PIK3C3: variants seen among roughly 807,000 people sequenced by gnomAD.
PIK3C3 encodes phosphatidylinositol 3-kinase catalytic subunit type 3, also known as PI3-kinase type 3.
PIK3C3 carries 95 observed loss-of-function variants against 126.1 expected under a neutral mutation model. The observed-to-expected ratio is 0.75, with a 90% CI of 0.64 to 0.89. PIK3C3 has a LOEUF of 0.89. PIK3C3 is among the 40% of genes least tolerant of loss of function. The probability of loss-of-function intolerance (pLI) is 0.00; values close to 1 mark genes in which losing one functional copy is unlikely to be tolerated. For missense variants in PIK3C3, 829 were observed against 1,063.2 expected, an observed-to-expected ratio of 0.78 and a Z score of 3.06; for synonymous variants, 374 against 360.0, an observed-to-expected ratio of 1.04 and a Z score of -0.44.
intron 13 of PIK3C3, among the ~76,000 whole-genome samples, chr18:42,021,332 T>C (rs1216612902): frequency 3.3e-5 from 5 of 152,184 alleles, no homozygotes; most frequent in Non-Finnish European, 7.3e-5. Context: ...ACGGAGTGGC[T>C]GACTTCTTGA....
At chr18:42,016,177 T>A (rs1983066219) in intron 12 of PIK3C3, among the ~76,000 whole-genome samples, 1 of 152,152 alleles carries the variant, frequency 6.6e-6, no homozygotes, top group African/African-American at 2.4e-5. Context: ...GATTTTTCAG[T>A]GTGTGTATAT....
chr18:42,000,050 G>T (rs1982210771), intron 9 of PIK3C3, among the ~76,000 whole-genome samples: 1 of 152,046 alleles, frequency 6.6e-6, no homozygotes, highest in Non-Finnish European at 1.5e-5. Context: ...AAGTGATATT[G>T]TACTTCTCTT....
rs1342849714 is a variant in PIK3C3, at chr18:41,960,496, G to A, written c.258-1993G>A. ...TAGCACAATGGTATGCGGTGATGGC[G>A]GTACCTGGTGGGGATTGGAGCATCC... On this transcript the variant is annotated intron_variant, in intron 2 of 24. Transcript: ENST00000262039. 2.0e-5 allele frequency among the ~76,000 whole-genome samples: 3 copies of A among 152,118 alleles called. No individual in the cohort carries two copies. In the South Asian group the frequency reaches 6.2e-4, roughly 31 times the overall value.
chr18:42,007,825 A>G (rs918254798), intron 10 of PIK3C3, among the ~76,000 whole-genome samples: 2 of 152,222 alleles, frequency 1.3e-5, no homozygotes, highest in Admixed American at 1.3e-4. Flanking sequence ...TGCAAGTAAT[A>G]ATGGTGAATA....
chr18:41,957,606 T>C lies in PIK3C3; in HGVS notation c.105T>C (p.Tyr35=). The C allele has an allele frequency of 6.2e-7, 1 of 1,612,188 alleles. No individual in the cohort carries two copies. The highest frequency in any genetic ancestry group is 8.5e-7 in the Non-Finnish European group (1 of 1,179,512). The change falls in exon 2 of 25, where the codon TAT becomes TAC. Residue 35 remains tyrosine (Y), a synonymous_variant. Coordinates refer to ENST00000262039, the MANE Select transcript of PIK3C3 (RefSeq NM_002647.4). ...SLEGKREQKS[Y]KAVLEDPMLK... Reference sequence around the variant, plus strand: ...AAGGGAAGAGAGAACAAAAGAGTTATAAAGCTGTCCTGGAAGACCCAATGT... The same window carrying C: ...AAGGGAAGAGAGAACAAAAGAGTTACAAAGCTGTCCTGGAAGACCCAATGT...
chr18:42,023,759 G>A (rs1297704027), intron 13 of PIK3C3, among the ~76,000 whole-genome samples: 1 of 152,166 alleles, frequency 6.6e-6, no homozygotes, highest in East Asian at 1.9e-4. Flanking sequence ...ATAATAAAAT[G>A]TGAGAATTTA....
At chr18:41,988,195 A>G (rs1981593413) in intron 5 of PIK3C3, among the ~76,000 whole-genome samples, 1 of 152,158 alleles carries the variant, frequency 6.6e-6, no homozygotes, top group Non-Finnish European at 1.5e-5. Flanking sequence ...ATATCAGCTC[A>G]TGTTCAAGTC....
intron 13 of PIK3C3, among the ~76,000 whole-genome samples, chr18:42,023,721 A>G (rs1983430304): frequency 6.6e-6 from 1 of 152,236 alleles, no homozygotes; most frequent in Non-Finnish European, 1.5e-5. Flanking sequence ...TAAAATGATC[A>G]TTCTTCTCTT....
intron 6 of PIK3C3, among the ~76,000 whole-genome samples, chr18:41,990,889 A>C (rs1785363639): frequency 6.6e-6 from 1 of 152,162 alleles, no homozygotes; most frequent in South Asian, 2.1e-4. Context: ...GAAAGGGGGA[A>C]ATTATATTTC....
intron 2 of PIK3C3, among the ~76,000 whole-genome samples, chr18:41,961,215 T>A (rs761407572): frequency 6.6e-6 from 1 of 152,144 alleles, no homozygotes; most frequent in African/African-American, 2.4e-5. Flanking sequence ...AAAAAGAAAT[T>A]TGGATAATAT....
chr18:42,037,566 C>T, intron 16 of PIK3C3, 126 bp from the exon 17 acceptor site: 1 of 761,596 alleles, frequency 1.3e-6, no homozygotes, highest in South Asian at 2.2e-5. Flanking sequence ...ATTGAAAACC[C>T]AACTTGTTTT....
At chr18:42,037,858 C>T (rs199585365) in intron 17 of PIK3C3, 38 bp downstream of exon 17, 7 of 1,570,956 alleles carry the variant, frequency 4.5e-6, no homozygotes, top group Admixed American at 1.7e-5. Flanking sequence ...ACATTTTTTT[C>T]GTTTTGGAAT....
At chr18:42,027,374 A>T (rs949802006) in intron 13 of PIK3C3, 69 bp from the exon 14 acceptor site, 66 of 779,594 alleles carry the variant, frequency 8.5e-5, no homozygotes, top group Non-Finnish European at 1.3e-4. Context: ...TAGTGAAATG[A>T]TATGAGTATT....
At chr18:42,032,602 T>C (rs543443141) in intron 15 of PIK3C3, among the ~76,000 whole-genome samples, 3 of 151,570 alleles carry the variant, frequency 2.0e-5, no homozygotes, top group South Asian at 4.2e-4. Flanking sequence ...TCTCTCCCCA[T>C]TCTTATTTTA....
Position 42,064,733 on chromosome 18 carries a change from T to C in PIK3C3, c.2433-7T>C. The C allele has an allele frequency of 6.8e-7, 1 of 1,463,278 alleles. No individual in the cohort carries two copies. The highest frequency in any genetic ancestry group is 9.6e-7 in the Non-Finnish European group (1 of 1,044,058). The allele number at this position is 1,463,278 out of a possible 1,614,324, so 90.6% of individuals were successfully genotyped here. A position where few individuals can be genotyped will look rare whatever the true frequency, so the allele number is the denominator to read the frequency against. On this transcript the variant is annotated splice_region_variant and splice_polypyrimidine_tract_variant and intron_variant, in intron 22 of 24. Transcript: ENST00000262039. ...TTGCTATTTTTTTCTTTTCTGCTCT[T>C]CTTTAGGTATTCTAATCTGATTTTG...
At chr18:41,990,147 C>A (rs1014176497) in intron 5 of PIK3C3, among the ~76,000 whole-genome samples, 25 of 151,996 alleles carry the variant, frequency 1.6e-4, no homozygotes, top group African/African-American at 6.0e-4. Flanking sequence ...TAAAATAGTT[C>A]TCATGAACAT....
intron 20 of PIK3C3, among the ~76,000 whole-genome samples, chr18:42,047,512 T>G (rs947217015): frequency 6.6e-6 from 1 of 152,296 alleles, no homozygotes; most frequent in Admixed American, 6.5e-5. Flanking sequence ...TGTGGCAGTT[T>G]TAGAGCAGTG....
intron 13 of PIK3C3, chr18:42,026,188 A>G (rs1254190176): frequency 6.6e-6 from 1 of 152,214 alleles, no homozygotes; most frequent in African/African-American, 2.4e-5. Context: ...TTTTACAATC[A>G]GTCATACCAC....
chr18:42,062,523 C>T (rs1197671081), intron 22 of PIK3C3, among the ~76,000 whole-genome samples: 2 of 152,046 alleles, frequency 1.3e-5, no homozygotes, highest in African/African-American at 4.8e-5. Flanking sequence ...ATTCTTCTTC[C>T]ACTGTGGCCC....
Sources: allele counts gnomAD v4.1 joint callset (sites outside exome capture counted in the v4.1 genomes callset), GRCh38; gene constraint gnomAD v4.1.1; transcripts MANE v1.5; gene names NCBI Gene and HGNC (gene_info 2026-07-23, HGNC 2026-07-21).